SGSH: variants seen among roughly 807,000 people sequenced by gnomAD.
SGSH encodes N-sulfoglucosamine sulfohydrolase, also known as heparan sulfate sulfatase.
Under a neutral mutation model 51.0 loss-of-function variants are expected in SGSH, and 48 were observed. The observed-to-expected ratio is 0.94, with a 90% CI of 0.75 to 1.20. The LOEUF is 1.20. Among genes scored for constraint, SGSH ranks in the 50% most tolerant of loss-of-function variants. SGSH has a pLI of 0.00. For missense variants in SGSH, 662 were observed against 717.8 expected (o/e 0.92, Z 0.89); for synonymous variants, 321 against 313.4 (o/e 1.02, Z -0.26).
At chr17:80,206,401 C>T (rs1337371903), downstream of SGSH, among the ~76,000 whole-genome samples, 1 of 152,078 alleles carries the variant, frequency 6.6e-6, no homozygotes, top group Non-Finnish European at 1.5e-5. Context: ...ATTGCTTGAG[C>T]CCAGGAATTT....
the SGSH span, chr17:80,201,613 C>G: frequency 1.1e-6 from 1 of 905,992 alleles, no homozygotes. This position sits in a 1 kb window ranked among gnomAD's most constrained non-coding sequence, Gnocchi z 5.0. Context: ...TTGTTTTGAC[C>G]AAGGCGTGCA....
downstream of SGSH, chr17:80,207,114 G>T: frequency 1.9e-6 from 3 of 1,541,592 alleles, no homozygotes; most frequent in Non-Finnish European, 9.0e-7. Flanking sequence ...CTGGGCAGGG[G>T]CTTCGAAGCG....
At chr17:80,211,170 C>T (rs2041649094) in intron 7 of SGSH, 159 bp from the exon 8 acceptor site, 1 of 1,506,774 alleles carries the variant, frequency 6.6e-7, no homozygotes, top group Non-Finnish European at 8.8e-7. Flanking sequence ...GCCACGTCAT[C>T]TCTCTGGGCC....
downstream of SGSH, chr17:80,208,040 T>C: frequency 1.1e-6 from 1 of 898,564 alleles, no homozygotes; most frequent in Non-Finnish European, 1.6e-6. Flanking sequence ...GCCACCTGTG[T>C]TTAGGGGTGT....
rs1598736124 is a variant in SGSH, at chr17:80,210,305, G to A, written c.*147C>T. Reference sequence around the variant, plus strand: ...TCCCCCTCCAGGCAATGGCAAGAGTGACCCCACAGGAAGGAAGAACCCTCC... The same window carrying A: ...TCCCCCTCCAGGCAATGGCAAGAGTAACCCCACAGGAAGGAAGAACCCTCC... On this transcript the variant is annotated 3_prime_UTR_variant, in exon 8 of 8. Transcript: ENST00000326317. The A allele has an allele frequency of 1.0e-5, 15 of 1,437,312 alleles. No individual in the cohort carries two copies. Among genetic ancestry groups the A allele is most frequent in the Non-Finnish European group, 1.3e-5 (14 of 1,099,304 alleles). The allele number at this position is 1,437,312 out of a possible 1,614,324, so 89.0% of individuals were successfully genotyped here.
At chr17:80,203,960 G>A, downstream of SGSH, 1 of 1,250,488 alleles carries the variant, frequency 8.0e-7, no homozygotes, top group Non-Finnish European at 1.1e-6. This position sits in a 1 kb window ranked among gnomAD's most constrained non-coding sequence, Gnocchi z 4.6. Flanking sequence ...AGGGTGGCAG[G>A]AGGCACTGTG....
chr17:80,205,676 A>C, downstream of SGSH: 7 of 654,062 alleles, frequency 1.1e-5, no homozygotes, highest in Non-Finnish European at 1.5e-5. Flanking sequence ...CGGGGTGGGC[A>C]GGGGAGCTGT....
At chr17:80,205,398 T>G, downstream of SGSH, 2 of 1,309,374 alleles carry the variant, frequency 1.5e-6, no homozygotes, top group South Asian at 2.8e-5. Flanking sequence ...GGGTCAGGTT[T>G]GTAAAGTGGA....
At position 80,214,190 on chromosome 17, in the gene SGSH, G is replaced by A. The variant is rs151227799; in HGVS notation, c.645C>T (p.Tyr215=). The change falls in exon 5 of 8, where the codon TAC becomes TAT. Residue 215 remains tyrosine, a synonymous_variant. Coordinates refer to ENST00000326317, the MANE Select transcript of SGSH (RefSeq NM_000199.5). ...GTCCTACCAGCACGTCCAGTGGGTC[G>A]TAGGCCTGGGGGGTCCAGTCTGGGA... The part of the protein sequence containing the change: ...GRIPDWTPQA[Y]DPLDVLVPYF... 2.0e-5 allele frequency: 33 copies of A among 1,610,706 alleles called. No homozygotes were observed. The South Asian group carries it at 2.8e-4, about 13-fold the overall frequency.
At chr17:80,218,929 G>A (rs1039866320) in intron 1 of SGSH, among the ~76,000 whole-genome samples, 5 of 152,084 alleles carry the variant, frequency 3.3e-5, no homozygotes, top group African/African-American at 1.2e-4. Flanking sequence ...GGAGGCCAAG[G>A]CAGGAAGATT....
intron 2 of SGSH, among the ~76,000 whole-genome samples, chr17:80,215,768 G>A (rs192657823): frequency 6.6e-6 from 1 of 151,474 alleles, no homozygotes; most frequent in Admixed American, 6.6e-5. Context: ...GCAGTGAGCC[G>A]AGATCACACC....
At chr17:80,205,451 G>A (rs2041245293), downstream of SGSH, 2 of 1,533,928 alleles carry the variant, frequency 1.3e-6, no homozygotes, top group Non-Finnish European at 8.8e-7. Context: ...GGGTTCACGG[G>A]GACAGGGGTG....
rs144035603 is a variant in SGSH at position 80,210,912 on chromosome 17, G to A, written c.1049C>T (p.Pro350Leu). ...CCAGAGGGGCTCGGCCTCCAGCGCC[G>A]GCAGGAGGGACCGGCCAGTGAGGTG... The part of the protein sequence containing the change: ...TIHLTGRSLL[P>L]ALEAEPLWAT... The change falls in exon 8 of 8, where the codon CCG becomes CTG. Residue 350 changes from proline (P) to leucine (L), a missense_variant. Transcript: ENST00000326317. 5.8e-5 allele frequency: 94 copies of A among 1,610,336 alleles called. No individual in the cohort carries two copies. Among genetic ancestry groups the A allele is most frequent in the African/African-American group, 3.7e-4 (28 of 74,934 alleles).
At chr17:80,205,596 G>A (rs764537252), downstream of SGSH, 4 of 1,571,548 alleles carry the variant, frequency 2.5e-6, no homozygotes, top group South Asian at 1.2e-5. Flanking sequence ...GGAGGGAGAG[G>A]TGTCCGGGGG....
At position 80,210,483 on chromosome 17, in the gene SGSH, G is replaced by C; in HGVS notation, c.1478C>G (p.Pro493Arg). The C allele has an allele frequency of 6.2e-7, 1 of 1,601,982 alleles. No individual in the cohort carries two copies. Among genetic ancestry groups the C allele is most frequent in the African/African-American group, 1.3e-5 (1 of 75,010 alleles). Residue 493 changes from proline to arginine, a missense_variant, in exon 8 of 8, where the codon CCC (proline) becomes CGC (arginine). Physicochemically the swap from Pro to Arg is moderately radical, Grantham distance 103 (BLOSUM62 -2). Coordinates refer to ENST00000326317, the MANE Select transcript of SGSH (RefSeq NM_000199.5). ...PDGVLEEKLS[P>R]QCQPLHNEL ...CTCATTGTGGAGGGGCTGGCACTGG[G>C]GAGAGAGCTTCTCCTCCAGGACGCC...
At position 80,213,859 on chromosome 17, in the gene SGSH, C is replaced by G. The variant is rs781715169; in HGVS notation, c.690G>C (p.Pro230=). The change falls in exon 6 of 8, where the codon CCG becomes CCC. Residue 230 remains proline, a synonymous_variant. Transcript: ENST00000326317. The surrounding 1 kb of genome is among the most constrained non-coding windows in gnomAD (Gnocchi z 4.6). ...VLVPYFVPNT[P]AARADLAAQY... is the part of the protein sequence containing the mutation. The stretch of plus-strand genomic sequence containing the variant: ...GAGCGGCCAGGTCGGCTCGGGCTGC[C>G]GGGGTGTTGGGGACGAAGTAAGGCA... 2 of 1,608,648 alleles carry G rather than the reference C, an allele frequency of 1.2e-6. No homozygotes were observed. Among genetic ancestry groups the G allele is most frequent in the Admixed American group, 1.7e-5 (1 of 59,620 alleles).
At chr17:80,218,817 T>C (rs1292218064) in intron 1 of SGSH, among the ~76,000 whole-genome samples, 4 of 151,914 alleles carry the variant, frequency 2.6e-5, no homozygotes, top group Non-Finnish European at 4.4e-5. Flanking sequence ...TAAGGGTAAA[T>C]GAATCATAAG....
rs1048877262 is a variant in SGSH, at chr17:80,214,970, C to G, written c.355+63G>C. 6.1e-6 allele frequency: 9 copies of G among 1,469,048 alleles called. No individual in the cohort carries two copies. In the African/African-American group the frequency reaches 1.1e-4, roughly 18 times the overall value. 91.0% of individuals were successfully genotyped at this position (1,469,048 alleles called of 1,614,324 possible). A position where few individuals can be genotyped will look rare whatever the true frequency, so the allele number is the denominator to read the frequency against. Reference sequence around the variant, plus strand: ...TGCCTTGGTACAAGGTGCCGAACCTCCTGGGCTCTGGCCTGGCCTCTGTGC... The same window carrying G: ...TGCCTTGGTACAAGGTGCCGAACCTGCTGGGCTCTGGCCTGGCCTCTGTGC... On this transcript the variant is annotated intron_variant, in intron 3 of 7. Transcript: ENST00000326317.
At chr17:80,214,879 C>T (rs1365742125) in intron 3 of SGSH, 114 bp from the exon 4 acceptor site, 3 of 1,373,112 alleles carry the variant, frequency 2.2e-6, no homozygotes, top group Admixed American at 1.8e-5. Flanking sequence ...ACACACAGCC[C>T]AGCCAGGAGA....
Sources: allele counts gnomAD v4.1 joint callset (sites outside exome capture counted in the v4.1 genomes callset), GRCh38; gene constraint gnomAD v4.1.1; non-coding constraint Gnocchi (gnomAD v3.1); transcripts MANE v1.5; gene names NCBI Gene and HGNC (gene_info 2026-07-23, HGNC 2026-07-21).